The following DSCAM variants were observed in gnomAD, a reference collection of about 807,000 sequenced individuals.
The protein encoded by DSCAM is cell adhesion molecule DSCAM.
A neutral mutation model predicts 217.7 loss-of-function variants in DSCAM; 47 were observed. The ratio of observed to expected loss-of-function variants is 0.22; its 90% CI spans 0.17 to 0.28. The LOEUF is 0.28. Ranked by LOEUF, DSCAM falls within the 10% of genes least tolerant of loss-of-function variation. The probability of loss-of-function intolerance (pLI) is 1.00; values close to 1 mark genes in which losing one functional copy is unlikely to be tolerated. For missense variants in DSCAM, 2,080 were observed against 2,618.3 expected (o/e 0.79, Z 4.49); for synonymous variants, 1,056 against 1,015.3 (o/e 1.04, Z -0.76).
chr21:40,148,581 A>G (rs2090385337), intron 16 of DSCAM, among the ~76,000 whole-genome samples: 1 of 152,012 alleles, frequency 6.6e-6, no homozygotes, highest in Admixed American at 6.5e-5. Context: ...TTTCTATTTC[A>G]ATTACAACAC....
At chr21:40,771,513 C>A (rs528905417) in intron 1 of DSCAM, among the ~76,000 whole-genome samples, 1 of 152,292 alleles carries the variant, frequency 6.6e-6, no homozygotes, top group South Asian at 2.1e-4. Flanking sequence ...CGCACCTACA[C>A]GGGGGAAGGC....
intron 16 of DSCAM, among the ~76,000 whole-genome samples, chr21:40,145,412 A>C (rs1244930568): frequency 6.6e-6 from 1 of 151,990 alleles, no homozygotes; most frequent in African/African-American, 2.4e-5. Context: ...ATCATTCTGG[A>C]ATGATTTGGG....
intron 3 of DSCAM, among the ~76,000 whole-genome samples, chr21:40,445,008 G>A (rs559274201): frequency 6.6e-6 from 1 of 152,214 alleles, no homozygotes; most frequent in East Asian, 1.9e-4. Flanking sequence ...TGGAGCCTGG[G>A]GAATCTAAGA....
intron 20 of DSCAM, among the ~76,000 whole-genome samples, chr21:40,121,497 G>C (rs1020946596): frequency 3.3e-5 from 5 of 151,922 alleles, no homozygotes; most frequent in African/African-American, 1.2e-4. Flanking sequence ...GATGCTCTGG[G>C]GTTCTGGGAC....
rs149308134 is a variant in DSCAM, at chr21:40,605,532, A to G, written c.508+87278T>C. Among the ~76,000 whole-genome samples the G allele has an allele frequency of 3.3e-3, 495 of 152,298 alleles. 2 individuals carry two copies. Among genetic ancestry groups the G allele is most frequent in the Non-Finnish European group, 4.6e-3 (314 of 68,026 alleles). ...ACAGAGTCTCTATTGCAGCTCCTGA[A>G]GTGTCCTATTGTAATATGAAAGTAG... On this transcript the variant is annotated intron_variant, in intron 3 of 32. Transcript: ENST00000400454.
At chr21:40,728,809 T>A (rs2090984178) in intron 1 of DSCAM, among the ~76,000 whole-genome samples, 1 of 152,182 alleles carries the variant, frequency 6.6e-6, no homozygotes, top group South Asian at 2.1e-4. Context: ...TCACATTTAA[T>A]CCTATAGATG....
At chr21:40,407,007 A>G (rs1339407591) in intron 3 of DSCAM, among the ~76,000 whole-genome samples, 1 of 152,178 alleles carries the variant, frequency 6.6e-6, no homozygotes, top group Admixed American at 6.5e-5. Context: ...GATTGGAGAG[A>G]TACGAGCTAA....
chr21:40,312,460 A>G, intron 8 of DSCAM, 101 bp from the exon 9 acceptor site: 1 of 1,333,852 alleles, frequency 7.5e-7, no homozygotes, highest in African/African-American at 1.5e-5. Flanking sequence ...AGACGATCAT[A>G]GATACAGCAT....
At position 40,018,025 on chromosome 21, in the gene DSCAM, C is replaced by T. The variant is rs200501006; in HGVS notation, c.5687-4639G>A. Among the ~76,000 whole-genome samples, 32 of 22,720 alleles carry T rather than the reference C, an allele frequency of 1.4e-3. No individual in the cohort carries two copies. The Admixed American group carries it at 0.015, about 10-fold the overall frequency. 14.9% of individuals were successfully genotyped at this position (22,720 alleles called of 152,430 possible). ...TCTTGCCATATAGAATAGCTTTGTT[C>T]CTGAAAGAATTTGAGTTTTTAAAAC... On this transcript the variant is annotated intron_variant, in intron 32 of 32. Transcript: ENST00000400454.
chr21:40,520,188 G>A (rs1372477369), intron 3 of DSCAM, among the ~76,000 whole-genome samples: 1 of 152,168 alleles, frequency 6.6e-6, no homozygotes, highest in East Asian at 1.9e-4. Flanking sequence ...AATTCTAGGA[G>A]CCATAAAACT....
chr21:40,724,576 A>G (rs1210960762), intron 1 of DSCAM, among the ~76,000 whole-genome samples: 2 of 152,184 alleles, frequency 1.3e-5, no homozygotes, highest in African/African-American at 4.8e-5. Flanking sequence ...GCAACAATAA[A>G]GTAAGATTAT....
rs954972969 is a variant in DSCAM, at chr21:40,093,803, C to A, written c.3768G>T (p.Gln1256His). The A allele has an allele frequency of 6.2e-7, 1 of 1,614,088 alleles. No individual in the cohort carries two copies. Among genetic ancestry groups the A allele is most frequent in the Middle Eastern group, 1.6e-4 (1 of 6,062 alleles). The change falls in exon 21 of 33, where the codon CAG becomes CAT. Residue 1256 changes from glutamine to histidine, a missense_variant. Physicochemically the swap from Gln to His is conservative, Grantham distance 24. Coordinates refer to ENST00000400454, the MANE Select transcript of DSCAM (RefSeq NM_001389.5). ...YRIPNLSRNR[Q>H]YSVWVVAVTS... ...TAACAGCCACCACCCAGACGCTGTA[C>A]TGACGATTCCTACTCAGGTTGGGAA... is the stretch of plus-strand genomic sequence containing the variant.
chr21:40,322,174 G>A (rs1319499839), intron 8 of DSCAM, among the ~76,000 whole-genome samples: 1 of 152,148 alleles, frequency 6.6e-6, no homozygotes, highest in Non-Finnish European at 1.5e-5. Flanking sequence ...CATGGCTGCT[G>A]TTTTGGACCT....
At chr21:40,485,237 CTTTTTTTTTTTTT>C (rs59901955) in intron 3 of DSCAM, among the ~76,000 whole-genome samples, 69 of 108,170 alleles carry the variant, frequency 6.4e-4, no homozygotes, top group Admixed American at 8.6e-4. Context: ...GACTTTCTTT[CTTTTTTTTTTTTT>C]TTTTTTTTGA....
chr21:40,685,502 T>C (rs2090463382), intron 3 of DSCAM, among the ~76,000 whole-genome samples: 3 of 152,214 alleles, frequency 2.0e-5, no homozygotes, highest in Non-Finnish European at 4.4e-5. Flanking sequence ...CCAGGAGCTC[T>C]CCTGCTCCCC....
In DSCAM at chr21:40,373,577, C is replaced by T. The variant is rs115188584; in HGVS notation, c.509-4332G>A. Among the ~76,000 whole-genome samples the T allele has an allele frequency of 3.2e-3, 485 of 152,276 alleles. 1 individual carries two copies. The highest frequency in any genetic ancestry group is 0.01 in the African/African-American group (435 of 41,560). On this transcript the variant is annotated intron_variant, in intron 3 of 32. Coordinates refer to ENST00000400454, the MANE Select transcript of DSCAM (RefSeq NM_001389.5). ...CCCAGGGAGGAAAACTGGTATTTAT[C>T]CCCATACCTGCTTTTATCCTTGTGT...
At position 40,533,405 on chromosome 21, in the gene DSCAM, G is replaced by C. The variant is rs566186228; in HGVS notation, c.508+159405C>G. On this transcript the variant is annotated intron_variant, in intron 3 of 32. Coordinates refer to ENST00000400454, the MANE Select transcript of DSCAM (RefSeq NM_001389.5). The stretch of plus-strand genomic sequence containing the variant: ...AACCAACATATAAGCATTGTTAAAG[G>C]AAATGAATCCACCTATCTATTTCCC... 2.0e-5 allele frequency among the ~76,000 whole-genome samples: 3 copies of C among 147,972 alleles called. No homozygotes were observed. In the South Asian group the frequency reaches 6.4e-4, roughly 31 times the overall value.
intron 10 of DSCAM, among the ~76,000 whole-genome samples, chr21:40,278,067 G>A (rs1250091554): frequency 6.6e-6 from 1 of 151,892 alleles, no homozygotes; most frequent in Non-Finnish European, 1.5e-5. Flanking sequence ...AAAAATCAAT[G>A]TCAATTTTAT....
chr21:40,790,291 C>G (rs2091630309), intron 1 of DSCAM, among the ~76,000 whole-genome samples: 1 of 151,622 alleles, frequency 6.6e-6, no homozygotes, highest in Non-Finnish European at 1.5e-5. Flanking sequence ...AAGCAATTCT[C>G]CTACCTCAGC....
Sources: gnomAD v4.1 joint callset for allele counts (sites outside exome capture counted in the v4.1 genomes callset) on GRCh38, gnomAD v4.1.1 for gene constraint, MANE v1.5 for transcripts, NCBI Gene and HGNC (gene_info 2026-07-23, HGNC 2026-07-21) for gene names.